PELO: variants seen among roughly 807,000 people sequenced by gnomAD.
PELO encodes the protein pelota mRNA surveillance and ribosome rescue factor.
A neutral mutation model predicts 25.9 loss-of-function variants in PELO; 19 were observed. The ratio of observed to expected loss-of-function variants is 0.73; its 90% CI spans 0.51 to 1.08. The LOEUF is 1.08. Ranked by LOEUF, PELO falls within the 50% of genes least tolerant of loss-of-function variation. PELO has a pLI of 0.00. For missense variants in PELO, 498 were observed against 491.4 expected, an observed-to-expected ratio of 1.01 and a Z score of -0.13; for synonymous variants, 196 against 192.2, an observed-to-expected ratio of 1.02 and a Z score of -0.16.
At chr5:52,790,499 T>C (rs2111638025) in intron 1 of PELO, among the ~76,000 whole-genome samples, 1 of 152,346 alleles carries the variant, frequency 6.6e-6, no homozygotes, top group South Asian at 2.1e-4. Context: ...CTGGAGGTTC[T>C]AGGGGAAAAT....
chr5:52,801,562 T>A lies in PELO; in HGVS notation c.880T>A (p.Tyr294Asn). 6.2e-7 allele frequency: 1 copy of A among 1,614,128 alleles called. No individual in the cohort carries two copies. Among genetic ancestry groups the A allele is most frequent in the Non-Finnish European group, 8.5e-7 (1 of 1,180,020 alleles). The change falls in exon 3 of 3, where the codon TAT becomes AAT. Residue 294 changes from tyrosine to asparagine, a missense_variant. Transcript: ENST00000274311. ...MLQHEPDRAF[Y>N]GLKQVEKANE... ...ACAGCATGAACCGGATCGAGCTTTC[T>A]ATGGACTCAAGCAGGTGGAGAAGGC...
rs559863446 is a variant in PELO at position 52,800,696 on chromosome 5, C to T, written c.302C>T (p.Thr101Ile). The T allele has an allele frequency of 6.2e-7, 1 of 1,614,190 alleles. No individual in the cohort carries two copies. The highest frequency in any genetic ancestry group is 2.2e-5 in the East Asian group (1 of 44,864). The stretch of plus-strand genomic sequence containing the variant: ...TATGTCAAGATGGGGGCTTACCACA[C>T]CATCGAGCTGGAGCCCAACCGCCAG... ...NEYVKMGAYHTIELEPNRQFT... is the reference protein window; with the variant it reads ...NEYVKMGAYHIIELEPNRQFT... Residue 101 changes from threonine to isoleucine, a missense_variant, in exon 2 of 3, where the codon ACC becomes ATC. Coordinates refer to ENST00000274311, the MANE Select transcript of PELO (RefSeq NM_015946.5).
Position 52,800,755 on chromosome 5 carries a change from G to GT in PELO, c.362dup (p.Leu122ThrfsTer9). Reference sequence around the variant, plus strand: ...GGCCAAGAAGCAGTGGGATAGTGTGGTACTGGAGCGCATCGAGCAGGCCTG... The same window carrying GT: ...GGCCAAGAAGCAGTGGGATAGTGTGGTTACTGGAGCGCATCGAGCAGGCCTG... On this transcript the variant is annotated frameshift_variant, in exon 2 of 3. Coordinates refer to ENST00000274311, the MANE Select transcript of PELO (RefSeq NM_015946.5). LOFTEE classifies it high-confidence loss of function. 1 of 1,614,222 alleles carries GT rather than the reference G, an allele frequency of 6.2e-7. No homozygotes were observed. Among genetic ancestry groups the GT allele is most frequent in the Non-Finnish European group, 8.5e-7 (1 of 1,180,038 alleles).
intron 1 of PELO, among the ~76,000 whole-genome samples, chr5:52,794,639 G>C (rs2111647426): frequency 6.7e-6 from 1 of 149,890 alleles, no homozygotes; most frequent in South Asian, 2.1e-4. Context: ...TAGTGAGTGA[G>C]TACAAGTTCC....
chr5:52,800,072 G>A lies in PELO; in HGVS notation c.-323G>A, dbSNP rs967322154. 34 of 337,786 alleles carry A rather than the reference G, an allele frequency of 1.0e-4. No homozygotes were observed. The East Asian group carries it at 2.0e-3, about 20-fold the overall frequency. 20.9% of individuals were successfully genotyped at this position (337,786 alleles called of 1,614,324 possible). A position where few individuals can be genotyped will look rare whatever the true frequency, so the allele number is the denominator to read the frequency against. ...ACGGGAGACGTGCGTCGGGTCGCGG[G>A]ACGGGGGCTGCGCATGCGCCTTCAT... On this transcript the variant is annotated 5_prime_UTR_variant, in exon 2 of 3. Transcript: ENST00000274311.
intron 1 of PELO, among the ~76,000 whole-genome samples, chr5:52,795,124 C>T (rs1480353023): frequency 6.6e-6 from 1 of 151,750 alleles, no homozygotes; most frequent in Non-Finnish European, 1.5e-5. Flanking sequence ...GTTAAAAACT[C>T]TGAATTAAAG....
chr5:52,798,513 G>A (rs1748390365), intron 1 of PELO, among the ~76,000 whole-genome samples: 1 of 152,088 alleles, frequency 6.6e-6, no homozygotes. Flanking sequence ...GGACGTGCGC[G>A]GGGAAGACAG....
chr5:52,792,194 G>A (rs532601137), intron 1 of PELO, among the ~76,000 whole-genome samples: 1 of 152,218 alleles, frequency 6.6e-6, no homozygotes, highest in South Asian at 2.1e-4. Flanking sequence ...ATTTTGGTTG[G>A]CCTAGAAGCA....
At position 52,801,962 on chromosome 5, in the gene PELO, T is replaced by C; in HGVS notation, c.*122T>C. On this transcript the variant is annotated 3_prime_UTR_variant, in exon 3 of 3. Transcript: ENST00000274311. ...TTTTGATTCATACAGGGATTTCTTA[T>C]GTCTTTGGCTACACTAGATATTTTG... 2 of 672,546 alleles carry C rather than the reference T, an allele frequency of 3.0e-6. No individual in the cohort carries two copies. Among genetic ancestry groups the C allele is most frequent in the African/African-American group, 3.6e-5 (2 of 55,562 alleles). The allele number at this position is 672,546 out of a possible 1,614,324, so 41.7% of individuals were successfully genotyped here. A position where few individuals can be genotyped will look rare whatever the true frequency, so the allele number is the denominator to read the frequency against.
rs1197318559 is a variant in PELO, at chr5:52,803,676, A to G, written c.*1836A>G. 1 of 152,204 alleles carries G rather than the reference A, an allele frequency of 6.6e-6. No homozygotes were observed. The highest frequency in any genetic ancestry group is 1.5e-5 in the Non-Finnish European group (1 of 68,046). 9.4% of individuals were successfully genotyped at this position (152,204 alleles called of 1,614,324 possible). A position where few individuals can be genotyped will look rare whatever the true frequency, so the allele number is the denominator to read the frequency against. On this transcript the variant is annotated 3_prime_UTR_variant, in exon 3 of 3. Coordinates refer to ENST00000274311, the MANE Select transcript of PELO (RefSeq NM_015946.5). The stretch of plus-strand genomic sequence containing the variant: ...TACCCAGATGATTCCAATAGGCGTC[A>G]AGGCTAATAGCCACTGATTCAGGCC...
chr5:52,801,611 C>T lies in PELO; in HGVS notation c.929C>T (p.Thr310Ile). 6.2e-7 allele frequency: 1 copy of T among 1,613,786 alleles called. No individual in the cohort carries two copies. Among genetic ancestry groups the T allele is most frequent in the Non-Finnish European group, 8.5e-7 (1 of 1,179,654 alleles). ...GCCAATGAAGCCATGGCAATTGACA[C>T]ATTGCTCATCAGCGATGAGCTCTTC... ...EKANEAMAID[T>I]LLISDELFRH... Residue 310 changes from threonine (T) to isoleucine (I), a missense_variant, in exon 3 of 3, where the codon ACA (threonine) becomes ATA (isoleucine). By Grantham distance (89) the Thr-to-Ile change is moderately conservative. Transcript: ENST00000274311.
chr5:52,792,455 G>T (rs1580019712), intron 1 of PELO, among the ~76,000 whole-genome samples: 1 of 152,166 alleles, frequency 6.6e-6, no homozygotes, highest in East Asian at 1.9e-4. Flanking sequence ...GAGTAACCAT[G>T]AGACACATAT....
At chr5:52,791,383 G>A (rs1037221290) in intron 1 of PELO, among the ~76,000 whole-genome samples, 2 of 152,158 alleles carry the variant, frequency 1.3e-5, no homozygotes, top group Non-Finnish European at 2.9e-5. Flanking sequence ...ATGAACTCTA[G>A]TTATGGGAGG....
intron 1 of PELO, among the ~76,000 whole-genome samples, chr5:52,790,985 C>A (rs1315499768): frequency 1.3e-5 from 2 of 152,182 alleles, no homozygotes; most frequent in African/African-American, 4.8e-5. Flanking sequence ...CCTCTGACAT[C>A]TAAATAAACT....
At chr5:52,796,795 T>C (rs1748351178) in intron 1 of PELO, among the ~76,000 whole-genome samples, 1 of 152,104 alleles carries the variant, frequency 6.6e-6, no homozygotes, top group African/African-American at 2.4e-5. Flanking sequence ...TAAATTAACA[T>C]GGATTCAAGT....
chr5:52,801,226 T>C (rs1469014962), intron 2 of PELO, 106 bp downstream of exon 2: 1 of 1,258,646 alleles, frequency 7.9e-7, no homozygotes, highest in Non-Finnish European at 1.1e-6. Flanking sequence ...AGTCTTTACT[T>C]AGCTGGGATT....
rs137992083 is a variant in PELO at position 52,798,739 on chromosome 5, G to T, written c.-510-1146G>T. On this transcript the variant is annotated intron_variant, in intron 1 of 2. Transcript: ENST00000274311. ...AATCAGATATGCATTTGTGTCAGGA[G>T]GGCAGAGGGGTGACTGTACCTGAAA... is the stretch of plus-strand genomic sequence containing the variant. Among the ~76,000 whole-genome samples the T allele has an allele frequency of 5.1e-3, 778 of 152,256 alleles. 6 individuals carry two copies. Among genetic ancestry groups the T allele is most frequent in the African/African-American group, 0.018 (750 of 41,550 alleles).
At chr5:52,799,729 CAT>C (rs1748416450) in intron 1 of PELO, among the ~76,000 whole-genome samples, 154 bp from the exon 2 acceptor site, 2 of 152,218 alleles carry the variant, frequency 1.3e-5, no homozygotes, top group Admixed American at 1.3e-4. Flanking sequence ...CAAAAACGAG[CAT>C]AGTTTGGGCC....
rs1199023793 is a variant in PELO at position 52,802,014 on chromosome 5, ATAAAC to A, written c.*179_*183del. ...GATTGGCAAGACATGTATTTAAACA[ATAAAC>A]TAAAAGGAAATAATCTCCACGTACT... On this transcript the variant is annotated 3_prime_UTR_variant, in exon 3 of 3. Transcript: ENST00000274311. 5.5e-6 allele frequency: 3 copies of A among 549,394 alleles called. No homozygotes were observed. The African/African-American group carries it at 5.7e-5, about 10-fold the overall frequency. The allele number at this position is 549,394 out of a possible 1,614,324, so 34.0% of individuals were successfully genotyped here.
Sources: gnomAD v4.1 joint callset for allele counts (sites outside exome capture counted in the v4.1 genomes callset) on GRCh38, gnomAD v4.1.1 for gene constraint, MANE v1.5 for transcripts, NCBI Gene and HGNC (gene_info 2026-07-23, HGNC 2026-07-21) for gene names.